Variants in IFFO2 observed in about 807,000 individuals in gnomAD.
The protein encoded by IFFO2 is intermediate filament family orphan 2.
IFFO2 carries 19 observed loss-of-function variants against 53.5 expected under a neutral mutation model. That is an observed-to-expected ratio of 0.36 (90% CI 0.25 to 0.52). The LOEUF (loss-of-function observed/expected upper bound fraction) is 0.52. Ranked by LOEUF, IFFO2 falls within the 20% of genes least tolerant of loss-of-function variation. The pLI is 0.94. For synonymous variants in IFFO2, 303 were observed against 313.6 expected, an observed-to-expected ratio of 0.97 and a Z score of 0.36; for missense variants, 570 against 727.4, an observed-to-expected ratio of 0.78 and a Z score of 2.49.
chr1:18,952,179 C>A (rs527681584), intron 1 of IFFO2, among the ~76,000 whole-genome samples: 10 of 152,296 alleles, frequency 6.6e-5, no homozygotes, highest in African/African-American at 2.4e-4. Context: ...ATTTTAGTGG[C>A]CCTGGGTGGT....
intron 1 of IFFO2, among the ~76,000 whole-genome samples, chr1:18,921,675 A>G (rs1936217473): frequency 6.6e-6 from 1 of 152,212 alleles, no homozygotes; most frequent in Non-Finnish European, 1.5e-5. Context: ...GGTTAAATAA[A>G]CATCTAACCC....
rs1251108398 is a variant in IFFO2, at chr1:18,928,922, G to A, written c.666-7801C>T. Among the ~76,000 whole-genome samples, 1 of 152,220 alleles carries A rather than the reference G, an allele frequency of 6.6e-6. No individual in the cohort carries two copies. The highest frequency in any genetic ancestry group is 1.9e-4 in the East Asian group (1 of 5,198). On this transcript the variant is annotated intron_variant, in intron 1 of 8. Transcript: ENST00000455833. This position sits in a 1 kb window ranked among gnomAD's most constrained non-coding sequence, Gnocchi z 4.9. ...AACTCCATCCGGAGTTATCCTGGGT[G>A]CCATCAGGGCTCTGACAGCCTGCAC...
intron 1 of IFFO2, among the ~76,000 whole-genome samples, chr1:18,925,998 GGATT>G (rs1936286365): frequency 5.8e-5 from 4 of 69,202 alleles, no homozygotes; most frequent in South Asian, 4.7e-4. Context: ...ATGGATGGAT[GGATT>G]GGTTGGATGG....
chr1:18,934,793 A>G (rs1292873706), intron 1 of IFFO2, among the ~76,000 whole-genome samples: 1 of 152,204 alleles, frequency 6.6e-6, no homozygotes, highest in East Asian at 1.9e-4. Context: ...TCCACCTAAC[A>G]ATATACGGCA....
rs1036295325 is a variant in IFFO2 at position 18,917,776 on chromosome 1, G to A, written c.963+586C>T. On this transcript the variant is annotated intron_variant, in intron 4 of 8. Transcript: ENST00000455833. This position sits in a 1 kb window ranked among gnomAD's most constrained non-coding sequence, Gnocchi z 5.9. ...CTGGCCCCCCAAGCCCTCTCTGGAAGACAGCCTCACTGGCGCTAACCTGAT... is the reference window on the plus strand; with the variant it reads ...CTGGCCCCCCAAGCCCTCTCTGGAAAACAGCCTCACTGGCGCTAACCTGAT... Among the ~76,000 whole-genome samples the A allele has an allele frequency of 8.5e-5, 13 of 152,064 alleles. No homozygotes were observed. The highest frequency in any genetic ancestry group is 1.8e-4 in the Non-Finnish European group (12 of 68,030).
rs929690954 is a variant in IFFO2, at chr1:18,917,181, C to A, written c.964-139G>T. 86 of 950,560 alleles carry A rather than the reference C, an allele frequency of 9.0e-5. No homozygotes were observed. The highest frequency in any genetic ancestry group is 7.4e-4 in the Admixed American group (28 of 37,986). 58.9% of individuals were successfully genotyped at this position (950,560 alleles called of 1,614,324 possible). ...GGCCAGTGCCAGGAAAGGTGCAGGT[C>A]CTCTAAGAAGCAGGCGGCGTTAGCA... On this transcript the variant is annotated intron_variant, in intron 4 of 8. Transcript: ENST00000455833. The surrounding 1 kb of genome is among the most constrained non-coding windows in gnomAD (Gnocchi z 5.9).
rs563667397 is a variant in IFFO2 at position 18,936,733 on chromosome 1, G to A, written c.666-15612C>T. Among the ~76,000 whole-genome samples, 27 of 152,324 alleles carry A rather than the reference G, an allele frequency of 1.8e-4. No homozygotes were observed. In the East Asian group the frequency reaches 2.1e-3, roughly 12 times the overall value. The stretch of plus-strand genomic sequence containing the variant: ...CCGCCCTGGAGCCAGCTGCCTGGGA[G>A]CCCAGATTTTCCTTATCATGTGCAG... On this transcript the variant is annotated intron_variant, in intron 1 of 8. Coordinates refer to ENST00000455833, the MANE Select transcript of IFFO2 (RefSeq NM_001136265.2). The surrounding 1 kb of genome is among the most constrained non-coding windows in gnomAD (Gnocchi z 4.5).
At chr1:18,953,494 T>C (rs1936683144) in intron 1 of IFFO2, among the ~76,000 whole-genome samples, 1 of 152,100 alleles carries the variant, frequency 6.6e-6, no homozygotes, top group South Asian at 2.1e-4. Context: ...AAATGATCAT[T>C]TTTATTAGAT....
chr1:18,910,303 G>A, intron 8 of IFFO2, 39 bp downstream of exon 8: 1 of 1,569,506 alleles, frequency 6.4e-7, no homozygotes, highest in Non-Finnish European at 8.6e-7. Flanking sequence ...CCCCTCCAAG[G>A]ATGCCATAGC....
chr1:18,953,010 G>A (rs1432748302), intron 1 of IFFO2, among the ~76,000 whole-genome samples: 1 of 152,220 alleles, frequency 6.6e-6, no homozygotes, highest in Admixed American at 6.5e-5. Context: ...GGAAGCAAGT[G>A]GGGGTCTCTG....
chr1:18,955,351 C>T (rs766178960), intron 1 of IFFO2, among the ~76,000 whole-genome samples: 5 of 152,170 alleles, frequency 3.3e-5, no homozygotes, highest in East Asian at 1.9e-4. Context: ...ATAAGACTGC[C>T]TTACACAATA....
At chr1:18,914,525 A>C (rs576919774) in intron 5 of IFFO2, among the ~76,000 whole-genome samples, 1 of 152,272 alleles carries the variant, frequency 6.6e-6, no homozygotes, top group Admixed American at 6.5e-5. Context: ...TCTTTCCAAA[A>C]GCCCCTATTG....
At chr1:18,910,237 G>A (rs751733880) in intron 8 of IFFO2, 105 bp downstream of exon 8, 13 of 1,296,302 alleles carry the variant, frequency 1.0e-5, no homozygotes, top group Non-Finnish European at 1.3e-5. Context: ...ACAGATGGAC[G>A]GACAGAGAGA....
At chr1:18,939,329 C>T (rs1421336895) in intron 1 of IFFO2, among the ~76,000 whole-genome samples, 1 of 152,202 alleles carries the variant, frequency 6.6e-6, no homozygotes, top group Non-Finnish European at 1.5e-5. Flanking sequence ...GGCCAGAGGC[C>T]ACCGGCCACC....
In IFFO2 at chr1:18,955,858, C is replaced by T. The variant is rs113097251; in HGVS notation, c.475G>A (p.Gly159Arg). ...SHPQHYGRLP[G>R]TIWSYTQVRR... The stretch of plus-strand genomic sequence containing the variant: ...ACCTGCGTGTAGCTCCAGATGGTCC[C>T]GGGCAGGCGGCCGTAGTGCTGCGGG... The change falls in exon 1 of 9, where the codon GGG becomes AGG. Residue 159 changes from glycine to arginine, a missense_variant. By Grantham distance (125) the Gly-to-Arg change is moderately radical. Transcript: ENST00000455833. 6.2e-6 allele frequency: 9 copies of T among 1,456,962 alleles called. No individual in the cohort carries two copies. The highest frequency in any genetic ancestry group is 1.5e-5 in the African/African-American group (1 of 67,406). The allele number at this position is 1,456,962 out of a possible 1,614,324, so 90.3% of individuals were successfully genotyped here. A position where few individuals can be genotyped will look rare whatever the true frequency, so the allele number is the denominator to read the frequency against.
rs142740984 is a variant in IFFO2 at position 18,940,562 on chromosome 1, CGGATGGATGGAT to C, written c.665+15094_665+15105del. Among the ~76,000 whole-genome samples the C allele has an allele frequency of 1.1e-3, 158 of 148,420 alleles. 2 individuals carry two copies. The highest frequency in any genetic ancestry group is 2.5e-3 in the African/African-American group (101 of 40,132). The stretch of plus-strand genomic sequence containing the variant: ...ATGGATGGACAGACTGATGGACAAA[CGGATGGATGGAT>C]GGATGGATGGATGGATGGATGGATG... On this transcript the variant is annotated intron_variant, in intron 1 of 8. Coordinates refer to ENST00000455833, the MANE Select transcript of IFFO2 (RefSeq NM_001136265.2).
intron 1 of IFFO2, among the ~76,000 whole-genome samples, chr1:18,937,766 G>T (rs546705430): frequency 6.6e-6 from 1 of 152,334 alleles, no homozygotes; most frequent in South Asian, 2.1e-4. Context: ...TGGCCCAGCC[G>T]CCACTGGAGG....
chr1:18,937,752 G>A (rs567371263), intron 1 of IFFO2, among the ~76,000 whole-genome samples: 73 of 152,330 alleles, frequency 4.8e-4, no homozygotes, highest in African/African-American at 1.7e-3. Context: ...GGCTCCCAAC[G>A]GCCTGGCCCA....
At chr1:18,931,950 TG>T (rs1267594106) in intron 1 of IFFO2, among the ~76,000 whole-genome samples, 32 of 152,366 alleles carry the variant, frequency 2.1e-4, no homozygotes, top group South Asian at 6.2e-4. Flanking sequence ...AAAGCCACTT[TG>T]CCCATGCACT....
Sources: allele counts gnomAD v4.1 joint callset (sites outside exome capture counted in the v4.1 genomes callset), GRCh38; gene constraint gnomAD v4.1.1; non-coding constraint Gnocchi (gnomAD v3.1); transcripts MANE v1.5; gene names NCBI Gene and HGNC (gene_info 2026-07-23, HGNC 2026-07-21).